Variants in SENP7 observed in about 807,000 individuals in gnomAD.
SENP7 encodes the protein SUMO specific peptidase 7.
In SENP7, 64 loss-of-function variants were observed where a neutral mutation model predicts 141.2. That is an observed-to-expected ratio of 0.45 (90% CI 0.37 to 0.56). SENP7 has a LOEUF of 0.56. Ranked by LOEUF, SENP7 falls within the 20% of genes least tolerant of loss-of-function variation. The pLI, the probability that SENP7 is intolerant of heterozygous loss-of-function variation, is 0.00. For synonymous variants in SENP7, 382 were observed against 426.4 expected, an observed-to-expected ratio of 0.90 and a Z score of 1.28; for missense variants, 1,025 against 1,212.2, an observed-to-expected ratio of 0.85 and a Z score of 2.29.
At chr3:101,363,262 A>G (rs2059947862) in intron 10 of SENP7, 1 of 233,660 alleles carries the variant, frequency 4.3e-6, no homozygotes, top group African/African-American at 2.3e-5. Flanking sequence ...CAGTCAGACA[A>G]ATAACTGTGG....
At chr3:101,357,408 C>A in intron 11 of SENP7, 1 of 780,588 alleles carries the variant, frequency 1.3e-6, no homozygotes, top group South Asian at 1.6e-5. Flanking sequence ...GACCTGATGA[C>A]CTGTCTGGAA....
intron 5 of SENP7, among the ~76,000 whole-genome samples, chr3:101,404,579 T>C (rs573925672): frequency 6.6e-6 from 1 of 152,266 alleles, no homozygotes; most frequent in South Asian, 2.1e-4. Context: ...AAATGGGATC[T>C]AATTAAACTA....
intron 4 of SENP7, among the ~76,000 whole-genome samples, chr3:101,433,652 A>G (rs2062269596): frequency 6.6e-6 from 1 of 152,196 alleles, no homozygotes; most frequent in Non-Finnish European, 1.5e-5. Flanking sequence ...TCTCAAGACT[A>G]AAATGATAAG....
intron 2 of SENP7, among the ~76,000 whole-genome samples, chr3:101,497,733 C>CAA (rs1441667738): frequency 2.6e-4 from 39 of 152,208 alleles, no homozygotes; most frequent in Non-Finnish European, 5.0e-4. Context: ...GAAGCTGAAG[C>CAA]AGGAGGATCT....
At chr3:101,331,948 T>C in intron 19 of SENP7, 37 bp downstream of exon 19, 1 of 1,602,148 alleles carries the variant, frequency 6.2e-7, no homozygotes, top group Non-Finnish European at 8.5e-7. Context: ...ATTATTGTCA[T>C]CATTATTAAA....
chr3:101,350,184 T>C (rs2059577468), intron 12 of SENP7, among the ~76,000 whole-genome samples: 1 of 152,190 alleles, frequency 6.6e-6, no homozygotes, highest in African/African-American at 2.4e-5. Context: ...AATAGAAAAA[T>C]GCAACTCATG....
At chr3:101,390,279 T>A (rs1266433137) in intron 6 of SENP7, among the ~76,000 whole-genome samples, 9 of 145,576 alleles carry the variant, frequency 6.2e-5, no homozygotes, top group Non-Finnish European at 1.0e-4. Context: ...TCCATTTTTT[T>A]AAAATGACCC....
intron 13 of SENP7, among the ~76,000 whole-genome samples, chr3:101,346,548 C>CAT (rs1321626645): frequency 1.3e-5 from 2 of 152,120 alleles, no homozygotes; most frequent in African/African-American, 2.4e-5. Context: ...AACTGTGGTA[C>CAT]ATATATATGA....
rs201255595 is a variant in SENP7, at chr3:101,341,723, G to A, written c.2163C>T (p.Ser721=). Residue 721 remains serine, a synonymous_variant, in exon 15 of 24, where the codon AGC becomes AGT. Coordinates refer to ENST00000394095, the MANE Select transcript of SENP7 (RefSeq NM_020654.5). The part of the protein sequence containing the change: ...PTYTFLQKQS[S]GCYSLSITSN... ...ATGTAATAGAAAGGGAGTAGCAACC[G>A]CTACTTTGCTTCTGCAGGAAGGTGT... 79 of 1,611,290 alleles carry A rather than the reference G, an allele frequency of 4.9e-5. No individual in the cohort carries two copies. The Admixed American group carries it at 6.2e-4, about 13-fold the overall frequency.
chr3:101,344,131 A>G (rs1473293086), intron 13 of SENP7, among the ~76,000 whole-genome samples, 177 bp from the exon 14 acceptor site: 4 of 152,208 alleles, frequency 2.6e-5, no homozygotes, highest in African/African-American at 9.6e-5. Flanking sequence ...ATCCAGAACC[A>G]AAACTCACAA....
intron 3 of SENP7, among the ~76,000 whole-genome samples, chr3:101,483,474 A>C (rs71315238): frequency 0.019 from 2,943 of 152,242 alleles, 88 homozygotes; most frequent in South Asian, 0.13. Context: ...AGTGGGGAAT[A>C]AAGGGGGTGG....
At chr3:101,419,535 C>T (rs2061725164) in intron 4 of SENP7, among the ~76,000 whole-genome samples, 1 of 151,920 alleles carries the variant, frequency 6.6e-6, no homozygotes, top group Admixed American at 6.5e-5. Flanking sequence ...GTGGGATCAG[C>T]AAAGGGAAAG....
chr3:101,372,258 T>TA (rs532238701), intron 6 of SENP7, 132 bp from the exon 7 acceptor site: 195 of 434,168 alleles, frequency 4.5e-4, no homozygotes, highest in Non-Finnish European at 6.7e-4. Context: ...ATCTGGGTAG[T>TA]AAAAAAAATA....
At chr3:101,359,895 C>T (rs1284695616) in intron 11 of SENP7, among the ~76,000 whole-genome samples, 1 of 151,670 alleles carries the variant, frequency 6.6e-6, no homozygotes, top group African/African-American at 2.4e-5. Flanking sequence ...ACATGTCCAC[C>T]TGACTGTGTA....
chr3:101,380,637 C>T (rs2060475983), intron 6 of SENP7, among the ~76,000 whole-genome samples: 1 of 103,332 alleles, frequency 9.7e-6, no homozygotes, highest in Admixed American at 9.1e-5. Context: ...AGACCTATCT[C>T]TAAAAAAAAA....
chr3:101,421,697 T>C (rs192211847), intron 4 of SENP7, among the ~76,000 whole-genome samples: 1 of 152,346 alleles, frequency 6.6e-6, no homozygotes, highest in Non-Finnish European at 1.5e-5. Flanking sequence ...GACTTTATTA[T>C]AATTTGTCTG....
intron 13 of SENP7, 56 bp from the exon 14 acceptor site, chr3:101,344,010 A>C: frequency 8.9e-7 from 1 of 1,118,442 alleles, no homozygotes; most frequent in Non-Finnish European, 1.2e-6. Flanking sequence ...GAGGATTATA[A>C]TACAAGTAAT....
intron 6 of SENP7, among the ~76,000 whole-genome samples, chr3:101,394,436 A>C (rs1301783585): frequency 1.3e-5 from 2 of 152,110 alleles, no homozygotes; most frequent in East Asian, 3.8e-4. Flanking sequence ...TGGTATATTG[A>C]CTTCCTTTCC....
At chr3:101,347,810 G>T in intron 13 of SENP7, 62 bp downstream of exon 13, 2 of 770,160 alleles carry the variant, frequency 2.6e-6, no homozygotes, top group South Asian at 4.1e-5. Context: ...AATTATTTTA[G>T]GAAAAAACTA....
Sources: gnomAD v4.1 joint callset for allele counts (sites outside exome capture counted in the v4.1 genomes callset) on GRCh38, gnomAD v4.1.1 for gene constraint, MANE v1.5 for transcripts, NCBI Gene and HGNC (gene_info 2026-07-23, HGNC 2026-07-21) for gene names.